The following LYPD6 variants were observed in gnomAD, a reference collection of about 807,000 sequenced individuals.
LYPD6 encodes the protein LY6/PLAUR domain containing 6, also known as ly6/PLAUR domain-containing protein 6.
Under a neutral mutation model 22.7 loss-of-function variants are expected in LYPD6, and 15 were observed. The observed-to-expected ratio is 0.66, with a 90% confidence interval of 0.44 to 1.02. LYPD6 has a LOEUF of 1.02. Ranked by LOEUF, LYPD6 falls within the 50% of genes least tolerant of loss-of-function variation. The pLI, the probability that LYPD6 is intolerant of heterozygous loss-of-function variation, is 0.00. For synonymous variants in LYPD6, 72 were observed against 77.5 expected, an observed-to-expected ratio of 0.93 and a Z score of 0.37; for missense variants, 189 against 208.4, an observed-to-expected ratio of 0.91 and a Z score of 0.57.
intron 1 of LYPD6, among the ~76,000 whole-genome samples, chr2:149,418,314 C>CT (rs1336459736): frequency 6.6e-6 from 1 of 152,150 alleles, no homozygotes; most frequent in African/African-American, 2.4e-5. Flanking sequence ...CGATCATTTC[C>CT]TTTTTTTCCC....
At chr2:149,362,869 C>T (rs1433525671) in intron 1 of LYPD6, among the ~76,000 whole-genome samples, 1 of 152,148 alleles carries the variant, frequency 6.6e-6, no homozygotes, top group African/African-American at 2.4e-5. Flanking sequence ...TCAACACGTG[C>T]AATTTGGGGG....
chr2:149,407,480 A>G (rs947106876), intron 1 of LYPD6, among the ~76,000 whole-genome samples: 1 of 151,974 alleles, frequency 6.6e-6, no homozygotes, highest in Non-Finnish European at 1.5e-5. Context: ...CATTTCATTC[A>G]TTTGATCTTC....
chr2:149,422,417 A>G (rs1453836362), intron 1 of LYPD6, among the ~76,000 whole-genome samples: 1 of 152,068 alleles, frequency 6.6e-6, no homozygotes, highest in Non-Finnish European at 1.5e-5. Flanking sequence ...CAAGTGGGTA[A>G]TGGGGCCTGG....
chr2:149,385,221 G>T (rs1280228419), intron 1 of LYPD6, among the ~76,000 whole-genome samples: 1 of 151,982 alleles, frequency 6.6e-6, no homozygotes, highest in African/African-American at 2.4e-5. Context: ...GTTCATTAGC[G>T]CCTGATGTAT....
chr2:149,452,289 G>A (rs913130150), intron 3 of LYPD6, among the ~76,000 whole-genome samples: 1 of 152,170 alleles, frequency 6.6e-6, no homozygotes. Flanking sequence ...AGCTGAGAAG[G>A]GGTGAGGCCA....
At chr2:149,434,276 T>C (rs1196897012) in intron 1 of LYPD6, among the ~76,000 whole-genome samples, 1 of 152,176 alleles carries the variant, frequency 6.6e-6, no homozygotes, top group Non-Finnish European at 1.5e-5. Flanking sequence ...AAGTTAAAAA[T>C]TGAAGTGATG....
chr2:149,374,072 A>T (rs1271325592), intron 1 of LYPD6, among the ~76,000 whole-genome samples: 1 of 152,128 alleles, frequency 6.6e-6, no homozygotes, highest in Non-Finnish European at 1.5e-5. Flanking sequence ...CTTCTTGGGA[A>T]ATTTAGATTT....
rs1387681259 is a variant in LYPD6, at chr2:149,451,704, AT to A, written c.217+2560del. Among the ~76,000 whole-genome samples the A allele has an allele frequency of 2.0e-5, 3 of 152,152 alleles. No individual in the cohort carries two copies. The East Asian group carries it at 5.8e-4, about 29-fold the overall frequency. On this transcript the variant is annotated intron_variant, in intron 3 of 4. Coordinates refer to ENST00000334166, the MANE Select transcript of LYPD6 (RefSeq NM_194317.5). ...GGTATTGCAGAGTGGTCTCTACACA[AT>A]TTATCCTTTTCTCTTTTTTCCCCTC...
At chr2:149,387,246 T>C (rs540753223) in intron 1 of LYPD6, among the ~76,000 whole-genome samples, 10 of 152,160 alleles carry the variant, frequency 6.6e-5, no homozygotes, top group African/African-American at 1.2e-4. Context: ...AGGGGAGATA[T>C]TGTATTGAGT....
intron 1 of LYPD6, among the ~76,000 whole-genome samples, chr2:149,338,816 A>G (rs1681106193): frequency 1.3e-5 from 2 of 152,228 alleles, no homozygotes; most frequent in South Asian, 4.1e-4. Flanking sequence ...TATTAGCTTA[A>G]TAAGGCACTG....
downstream of LYPD6, among the ~76,000 whole-genome samples, chr2:149,478,735 C>T (rs949653998): frequency 1.1e-4 from 17 of 152,092 alleles, no homozygotes; most frequent in African/African-American, 2.9e-4. Flanking sequence ...TGGAAATGAA[C>T]ATTTGGTTCA....
chr2:149,372,290 C>T (rs1311387082), intron 1 of LYPD6, among the ~76,000 whole-genome samples: 2 of 152,156 alleles, frequency 1.3e-5, no homozygotes, highest in African/African-American at 4.8e-5. Flanking sequence ...AGTCCCGTTC[C>T]TCTCTTAAGA....
At chr2:149,384,779 G>T (rs1682143988) in intron 1 of LYPD6, among the ~76,000 whole-genome samples, 1 of 151,906 alleles carries the variant, frequency 6.6e-6, no homozygotes, top group Non-Finnish European at 1.5e-5. Context: ...TGCACAGTGT[G>T]CAGGTTAGTT....
intron 1 of LYPD6, among the ~76,000 whole-genome samples, chr2:149,415,962 A>G: frequency 6.6e-6 from 1 of 152,168 alleles, no homozygotes; most frequent in South Asian, 2.1e-4. Context: ...GATTATAGGC[A>G]GGAGTCACCA....
At chr2:149,484,774 G>C in the LYPD6 span, among the ~76,000 whole-genome samples, 935 of 152,166 alleles carry the variant, frequency 6.1e-3, 11 homozygotes, top group African/African-American at 0.021. Flanking sequence ...AATCAAACCA[G>C]TTGTAATGAG....
intron 3 of LYPD6, 97 bp from the exon 4 acceptor site, chr2:149,468,548 T>C: frequency 4.3e-6 from 6 of 1,387,716 alleles, no homozygotes; most frequent in Non-Finnish European, 5.9e-6. Context: ...TGCTATTAGC[T>C]CTTTTCTGGA....
rs114331402 is a variant in LYPD6, at chr2:149,335,023, G to A, written c.-72+4301G>A. Among the ~76,000 whole-genome samples the A allele has an allele frequency of 7.7e-3, 1,178 of 152,176 alleles. 17 individuals are homozygous for A. Among genetic ancestry groups the A allele is most frequent in the African/African-American group, 0.027 (1,125 of 41,496 alleles). ...TACCAGTCTTAGAAGAGTATAGCAC[G>A]TACAATTATGTACAGTACATACTAC... On this transcript the variant is annotated intron_variant, in intron 1 of 4. Coordinates refer to ENST00000334166, the MANE Select transcript of LYPD6 (RefSeq NM_194317.5).
intron 1 of LYPD6, among the ~76,000 whole-genome samples, chr2:149,366,420 T>G (rs1420523863): frequency 6.6e-6 from 1 of 152,150 alleles, no homozygotes; most frequent in Non-Finnish European, 1.5e-5. Context: ...CCTGACCCCT[T>G]GGCAGAGAAA....
At chr2:149,369,643 G>T (rs1559127340) in intron 1 of LYPD6, among the ~76,000 whole-genome samples, 1 of 152,132 alleles carries the variant, frequency 6.6e-6, no homozygotes, top group Non-Finnish European at 1.5e-5. Flanking sequence ...CAGCTGAAAT[G>T]ATAGGAAGAC....
Sources: allele counts gnomAD v4.1 joint callset (sites outside exome capture counted in the v4.1 genomes callset), GRCh38; gene constraint gnomAD v4.1.1; transcripts MANE v1.5; gene names NCBI Gene and HGNC (gene_info 2026-07-23, HGNC 2026-07-21).